REEP1: variants seen among roughly 807,000 people sequenced by gnomAD.
REEP1 encodes the protein receptor expression-enhancing protein 1.
REEP1 carries 22 observed loss-of-function variants against 40.3 expected under a neutral mutation model. The observed-to-expected ratio is 0.55, with a 90% CI of 0.39 to 0.78. REEP1 has a LOEUF of 0.78. Ranked by LOEUF, REEP1 falls within the 30% of genes least tolerant of loss-of-function variation. The pLI is 0.00. For missense variants in REEP1, 280 were observed against 361.1 expected (o/e 0.78, Z 1.82); for synonymous variants, 116 against 139.2 (o/e 0.83, Z 1.17).
intron 8 of REEP1, 110 bp downstream of exon 8, chr2:86,219,860 T>C (rs887300624): frequency 1.3e-6 from 1 of 762,322 alleles, no homozygotes; most frequent in African/African-American, 1.8e-5. Flanking sequence ...CCACCCCAGG[T>C]ATTGAGGAGA....
intron 1 of REEP1, among the ~76,000 whole-genome samples, chr2:86,299,186 T>G (rs1679147754): frequency 6.6e-6 from 1 of 152,264 alleles, no homozygotes; most frequent in Admixed American, 6.5e-5. Context: ...TCTGCCACTG[T>G]GCTCAGTCAT....
At chr2:86,245,057 G>T (rs1460046902) in intron 5 of REEP1, among the ~76,000 whole-genome samples, 2 of 152,120 alleles carry the variant, frequency 1.3e-5, no homozygotes, top group Admixed American at 6.5e-5. Context: ...GAGGCAGGGA[G>T]AATTGCTTGA....
intron 1 of REEP1, among the ~76,000 whole-genome samples, chr2:86,322,815 G>C (rs764393148): frequency 5.3e-5 from 8 of 151,988 alleles, no homozygotes; most frequent in East Asian, 1.9e-4. Flanking sequence ...AACTACTCGA[G>C]AGGCTGAGAC....
chr2:86,266,099 C>T (rs1677119888), intron 2 of REEP1, among the ~76,000 whole-genome samples: 2 of 152,036 alleles, frequency 1.3e-5, no homozygotes, highest in African/African-American at 2.4e-5. Flanking sequence ...CAGATGACTT[C>T]GATATTAGAA....
At chr2:86,219,648 G>A (rs1003947130) in intron 8 of REEP1, among the ~76,000 whole-genome samples, 3 of 152,064 alleles carry the variant, frequency 2.0e-5, no homozygotes, top group Non-Finnish European at 4.4e-5. Context: ...GTTTTGCCAT[G>A]TTGGCCAGGC....
At chr2:86,321,409 C>T (rs189881031) in intron 1 of REEP1, among the ~76,000 whole-genome samples, 1 of 152,214 alleles carries the variant, frequency 6.6e-6, no homozygotes, top group Admixed American at 6.5e-5. Flanking sequence ...GAAAGACATC[C>T]AATATTACAC....
chr2:86,241,962 G>A (rs745614121), intron 5 of REEP1, among the ~76,000 whole-genome samples: 1 of 152,182 alleles, frequency 6.6e-6, no homozygotes. Context: ...GGACAAGGCA[G>A]GCAAGTCAGC....
chr2:86,320,282 C>T (rs1450824567), intron 1 of REEP1, among the ~76,000 whole-genome samples: 1 of 152,250 alleles, frequency 6.6e-6, no homozygotes, highest in Non-Finnish European at 1.5e-5. Flanking sequence ...CAAATTTACA[C>T]TACCAACGTG....
chr2:86,331,347 G>A (rs1338356156), intron 1 of REEP1, among the ~76,000 whole-genome samples: 1 of 152,182 alleles, frequency 6.6e-6, no homozygotes, highest in Non-Finnish European at 1.5e-5. Flanking sequence ...GCTGACTTCT[G>A]TGGCTGAGTG....
At chr2:86,336,068 G>A (rs971244244) in intron 1 of REEP1, among the ~76,000 whole-genome samples, 3 of 152,060 alleles carry the variant, frequency 2.0e-5, no homozygotes, top group Non-Finnish European at 4.4e-5. Flanking sequence ...TGGCAATATC[G>A]ATCCCAGAGA....
chr2:86,261,787 G>A (rs1676867038), intron 3 of REEP1, among the ~76,000 whole-genome samples: 1 of 152,228 alleles, frequency 6.6e-6, no homozygotes, highest in Non-Finnish European at 1.5e-5. Flanking sequence ...ACAAGAGGAA[G>A]GCATCTGTCT....
chr2:86,233,944 A>G (rs1484987654), intron 5 of REEP1, among the ~76,000 whole-genome samples: 1 of 152,060 alleles, frequency 6.6e-6, no homozygotes, highest in Non-Finnish European at 1.5e-5. Context: ...AGAACCAACA[A>G]ATCAGCACAA....
chr2:86,230,480 C>A (rs1225377398), intron 6 of REEP1, among the ~76,000 whole-genome samples: 1 of 152,246 alleles, frequency 6.6e-6, no homozygotes, highest in Non-Finnish European at 1.5e-5. Context: ...CCACCTAAGC[C>A]CGCTTCCTAG....
intron 1 of REEP1, among the ~76,000 whole-genome samples, chr2:86,317,789 A>C (rs1029117259): frequency 6.6e-6 from 1 of 152,250 alleles, no homozygotes; most frequent in African/African-American, 2.4e-5. Context: ...GCACTCATAC[A>C]GTGTTTCTGC....
intron 1 of REEP1, among the ~76,000 whole-genome samples, chr2:86,318,385 C>A (rs1376452234): frequency 2.8e-5 from 3 of 106,854 alleles, no homozygotes; most frequent in African/African-American, 7.8e-5. Flanking sequence ...AAGTAGTTTT[C>A]TTTTCTTTTC....
chr2:86,259,082 C>G (rs546176804), intron 3 of REEP1, among the ~76,000 whole-genome samples: 2 of 151,942 alleles, frequency 1.3e-5, no homozygotes, highest in Non-Finnish European at 2.9e-5. Flanking sequence ...CCGAGGTGGG[C>G]GGATCACAAG....
intron 5 of REEP1, among the ~76,000 whole-genome samples, chr2:86,239,179 T>G (rs1188400248): frequency 1.6e-5 from 2 of 125,720 alleles, no homozygotes; most frequent in Non-Finnish European, 3.1e-5. Flanking sequence ...ATATACAGTG[T>G]GCATGATGCT....
At chr2:86,306,650 C>T (rs956402169) in intron 1 of REEP1, among the ~76,000 whole-genome samples, 2 of 152,170 alleles carry the variant, frequency 1.3e-5, no homozygotes, top group Non-Finnish European at 2.9e-5. Context: ...CTCTGATGAG[C>T]GTTATCTGAT....
At chr2:86,265,060 T>C (rs1162446741) in intron 2 of REEP1, among the ~76,000 whole-genome samples, 1 of 152,152 alleles carries the variant, frequency 6.6e-6, no homozygotes, top group Admixed American at 6.5e-5. Flanking sequence ...ACCCCAAAAA[T>C]CTACATATAA....
Sources: gnomAD v4.1 joint callset for allele counts (sites outside exome capture counted in the v4.1 genomes callset) on GRCh38, gnomAD v4.1.1 for gene constraint, MANE v1.5 for transcripts, NCBI Gene and HGNC (gene_info 2026-07-23, HGNC 2026-07-21) for gene names.